ADARB2: variants seen among roughly 807,000 people sequenced by gnomAD.
The protein encoded by ADARB2 is inactive double-stranded RNA-specific editase B2.
A neutral mutation model predicts 62.2 loss-of-function variants in ADARB2; 25 were observed. The ratio of observed to expected loss-of-function variants is 0.40; its 90% confidence interval spans 0.29 to 0.56. The LOEUF is 0.56. Ranked by LOEUF, ADARB2 falls within the 20% of genes least tolerant of loss-of-function variation. The pLI, the probability that ADARB2 is intolerant of heterozygous loss-of-function variation, is 0.43. For missense variants in ADARB2, 1,071 were observed against 1,077.4 expected (o/e 0.99, Z 0.08); for synonymous variants, 572 against 500.8 (o/e 1.14, Z -1.90).
intron 8 of ADARB2, among the ~76,000 whole-genome samples, chr10:1,197,227 T>A (rs1005249834): frequency 6.6e-6 from 1 of 152,206 alleles, no homozygotes; most frequent in Admixed American, 6.5e-5. Flanking sequence ...ATTAAAGAGG[T>A]CTGATACTCC....
intron 1 of ADARB2, among the ~76,000 whole-genome samples, chr10:1,566,488 G>A (rs565115142): frequency 2.0e-4 from 31 of 152,298 alleles, no homozygotes; most frequent in Admixed American, 1.2e-3. Flanking sequence ...CTGTGCACAC[G>A]AGAAAGTAAT....
chr10:1,459,792 T>A (rs971739507), intron 1 of ADARB2, among the ~76,000 whole-genome samples: 1 of 152,066 alleles, frequency 6.6e-6, no homozygotes. Flanking sequence ...CCACATGGAC[T>A]CAGAGAGGGG....
chr10:1,324,688 A>G (rs1375348734), intron 3 of ADARB2, among the ~76,000 whole-genome samples: 1 of 152,228 alleles, frequency 6.6e-6, no homozygotes, highest in Non-Finnish European at 1.5e-5. Flanking sequence ...TCAACATTAT[A>G]GAAATGGAGA....
intron 3 of ADARB2, among the ~76,000 whole-genome samples, chr10:1,305,308 T>A (rs1184581647): frequency 2.0e-5 from 3 of 151,330 alleles, no homozygotes; most frequent in Non-Finnish European, 4.4e-5. Context: ...CTAGAAGAAA[T>A]GGATAAATTC....
chr10:1,725,343 T>A (rs7906527), intron 1 of ADARB2, among the ~76,000 whole-genome samples: 145,370 of 152,286 alleles, frequency 0.95, 69,424 homozygotes, highest in East Asian at 1. Flanking sequence ...TTCTCCATCA[T>A]GGGTAGGGGG....
intron 1 of ADARB2, among the ~76,000 whole-genome samples, chr10:1,442,962 TAAAGTAA>T (rs1830923028): frequency 6.6e-6 from 1 of 152,048 alleles, no homozygotes; most frequent in Admixed American, 6.5e-5. Context: ...TAGAAGACAG[TAAAGTAA>T]ATGAGATGGG....
intron 3 of ADARB2, among the ~76,000 whole-genome samples, chr10:1,321,448 C>G (rs921804475): frequency 1.3e-5 from 2 of 152,072 alleles, no homozygotes; most frequent in African/African-American, 4.8e-5. Context: ...TGACACGATC[C>G]TAGCTCACAG....
intron 1 of ADARB2, among the ~76,000 whole-genome samples, chr10:1,613,395 T>A (rs1442634584): frequency 6.6e-6 from 1 of 152,232 alleles, no homozygotes; most frequent in Non-Finnish European, 1.5e-5. Flanking sequence ...TTCTTGTCGT[T>A]ACCATTTCAA....
chr10:1,543,001 G>T (rs372015187), intron 1 of ADARB2, among the ~76,000 whole-genome samples: 1 of 152,240 alleles, frequency 6.6e-6, no homozygotes, highest in Non-Finnish European at 1.5e-5. Flanking sequence ...GCAGATTCTT[G>T]TCCAGGTGTT....
intron 1 of ADARB2, among the ~76,000 whole-genome samples, chr10:1,605,045 A>AT (rs1833478092): frequency 6.6e-6 from 1 of 152,258 alleles, no homozygotes; most frequent in African/African-American, 2.4e-5. Flanking sequence ...CATTTATCTA[A>AT]TAGAGTTATA....
intron 3 of ADARB2, among the ~76,000 whole-genome samples, chr10:1,317,754 G>GC (rs201909138): frequency 2.2e-4 from 33 of 146,920 alleles, no homozygotes; most frequent in East Asian, 8.0e-4. Context: ...GGTAGGCCTG[G>GC]GGGGGGGTGG....
At position 1,553,842 on chromosome 10, in the gene ADARB2, G is replaced by A. The variant is rs1231488140; in HGVS notation, c.101-174682C>T. On this transcript the variant is annotated intron_variant, in intron 1 of 9. Coordinates refer to ENST00000381312, the MANE Select transcript of ADARB2 (RefSeq NM_018702.4). Reference sequence around the variant, plus strand: ...GAGGCCACACCCGCACACGGGAAACGCATTTCCCATCGCCCCAAACACAAA... The same window carrying A: ...GAGGCCACACCCGCACACGGGAAACACATTTCCCATCGCCCCAAACACAAA... Among the ~76,000 whole-genome samples, 6 of 152,202 alleles carry A rather than the reference G, an allele frequency of 3.9e-5. No individual in the cohort carries two copies. In the East Asian group the frequency reaches 7.7e-4, roughly 20 times the overall value.
chr10:1,444,172 A>G (rs1275218064), intron 1 of ADARB2, among the ~76,000 whole-genome samples: 1 of 150,158 alleles, frequency 6.7e-6, no homozygotes, highest in African/African-American at 2.5e-5. Flanking sequence ...CCACCCACCC[A>G]CTTACTCATT....
At chr10:1,234,784 T>G (rs1008003360) in intron 5 of ADARB2, among the ~76,000 whole-genome samples, 1 of 143,458 alleles carries the variant, frequency 7.0e-6, no homozygotes, top group African/African-American at 2.6e-5. Context: ...GGAGTCTTGC[T>G]TTGTCCCAGG....
intron 1 of ADARB2, among the ~76,000 whole-genome samples, chr10:1,725,587 G>A (rs1835153516): frequency 1.3e-5 from 2 of 152,126 alleles, no homozygotes; most frequent in South Asian, 2.1e-4. Context: ...CAGAAGAGAC[G>A]CCCAGGACCC....
rs1012144324 is a variant in ADARB2 at position 1,470,533 on chromosome 10, C to T, written c.101-91373G>A. Among the ~76,000 whole-genome samples the T allele has an allele frequency of 2.0e-5, 3 of 152,204 alleles. No individual in the cohort carries two copies. The South Asian group carries it at 6.2e-4, about 32-fold the overall frequency. On this transcript the variant is annotated intron_variant, in intron 1 of 9. Coordinates refer to ENST00000381312, the MANE Select transcript of ADARB2 (RefSeq NM_018702.4). ...CATGACTAACTCAAAATAACAAGGGCTCTTCCCCTGACTGCAGGAATTCTG... is the reference window on the plus strand; with the variant it reads ...CATGACTAACTCAAAATAACAAGGGTTCTTCCCCTGACTGCAGGAATTCTG...
intron 1 of ADARB2, among the ~76,000 whole-genome samples, chr10:1,551,059 C>A (rs938677602): frequency 1.3e-5 from 2 of 152,184 alleles, no homozygotes; most frequent in Non-Finnish European, 1.5e-5. Flanking sequence ...GGTGTCCTTA[C>A]AGAGCTGATG....
At chr10:1,337,472 C>T (rs1831985151) in intron 3 of ADARB2, among the ~76,000 whole-genome samples, 1 of 152,162 alleles carries the variant, frequency 6.6e-6, no homozygotes, top group African/African-American at 2.4e-5. Context: ...GCTGAAACAT[C>T]CTGCAAACAA....
chr10:1,381,495 C>T (rs533548643), intron 1 of ADARB2, among the ~76,000 whole-genome samples: 2 of 152,202 alleles, frequency 1.3e-5, no homozygotes, highest in Non-Finnish European at 2.9e-5. Flanking sequence ...TGCCTGCTGG[C>T]GGGTCAATGC....
Sources: allele counts gnomAD v4.1 joint callset (sites outside exome capture counted in the v4.1 genomes callset), GRCh38; gene constraint gnomAD v4.1.1; transcripts MANE v1.5; gene names NCBI Gene and HGNC (gene_info 2026-07-23, HGNC 2026-07-21).